The following PCM1 variants were observed in gnomAD, a reference collection of about 807,000 sequenced individuals.
PCM1 encodes pericentriolar material 1 protein.
PCM1 carries 157 observed loss-of-function variants against 241.9 expected under a neutral mutation model. The ratio of observed to expected loss-of-function variants is 0.65; its 90% confidence interval spans 0.57 to 0.74. The LOEUF is 0.74. Among genes scored for constraint, PCM1 ranks in the 30% least tolerant of loss-of-function variants. The probability of loss-of-function intolerance (pLI) is 0.00; values close to 1 mark genes in which losing one functional copy is unlikely to be tolerated. For synonymous variants in PCM1, 1,085 were observed against 784.9 expected (o/e 1.38, Z -6.39); for missense variants, 3,478 against 2,360.1 (o/e 1.47, Z -9.81).
At chr8:17,988,222 C>G (rs1258840172) in intron 26 of PCM1, among the ~76,000 whole-genome samples, 1 of 151,804 alleles carries the variant, frequency 6.6e-6, no homozygotes, top group Non-Finnish European at 1.5e-5. Context: ...AATGGTTTCC[C>G]TATTCCTAAA....
At chr8:17,934,211 C>G (rs184288543) in intron 2 of PCM1, among the ~76,000 whole-genome samples, 3 of 151,296 alleles carry the variant, frequency 2.0e-5, no homozygotes, top group African/African-American at 4.8e-5. Flanking sequence ...GAGTTAGGGT[C>G]TTAGAATTAA....
chr8:18,000,856 G>C (rs370382993), intron 29 of PCM1, among the ~76,000 whole-genome samples: 1 of 152,110 alleles, frequency 6.6e-6, no homozygotes, highest in African/African-American at 2.4e-5. Context: ...TGATGCACCC[G>C]CCTGGGCCTC....
At chr8:17,990,465 GT>G (rs1263265168) in intron 27 of PCM1, among the ~76,000 whole-genome samples, 7 of 142,332 alleles carry the variant, frequency 4.9e-5, no homozygotes, top group African/African-American at 1.3e-4. Context: ...GGTTTTGGTT[GT>G]TTTTTTTTGT....
intron 2 of PCM1, among the ~76,000 whole-genome samples, chr8:17,931,316 A>T (rs2058959032): frequency 6.6e-6 from 1 of 150,578 alleles, no homozygotes; most frequent in South Asian, 2.1e-4. Context: ...TTTGAGATGG[A>T]GTCTTGCTCT....
intron 29 of PCM1, among the ~76,000 whole-genome samples, chr8:17,996,826 C>T (rs2086962722): frequency 6.6e-6 from 1 of 152,080 alleles, no homozygotes; most frequent in Non-Finnish European, 1.5e-5. Flanking sequence ...TGTTTCCCTG[C>T]TTTTTAACTC....
In PCM1 at chr8:17,969,684, A is replaced by G. The variant is rs143680240; in HGVS notation, c.3520A>G (p.Thr1174Ala). 360 of 1,613,278 alleles carry G rather than the reference A, an allele frequency of 2.2e-4. 14 individuals are homozygous for G. In the East Asian group the frequency reaches 2.4e-3, roughly 11 times the overall value. Residue 1174 changes from threonine (T) to alanine (A), a missense_variant, in exon 22 of 39, where the codon ACA becomes GCA. By Grantham distance (58) the Thr-to-Ala change is moderately conservative. Transcript: ENST00000325083. ...CTTAGCCCAGAATTCTTCAGGAAAA[A>G]CAGAATATATGGCTTTTCCAAAACC... ...QPLAQNSSGKTEYMAFPKPFE... is the reference protein window; with the variant it reads ...QPLAQNSSGKAEYMAFPKPFE...
intron 35 of PCM1, 54 bp from the exon 36 acceptor site, chr8:18,014,530 A>G: frequency 1.4e-6 from 2 of 1,444,728 alleles, no homozygotes; most frequent in East Asian, 2.3e-5. Flanking sequence ...GTATAATAGT[A>G]AAATTTAACA....
At chr8:17,989,346 A>G (rs1260934717) in intron 26 of PCM1, among the ~76,000 whole-genome samples, 2 of 151,974 alleles carry the variant, frequency 1.3e-5, no homozygotes, top group Non-Finnish European at 2.9e-5. Context: ...TCTTTAGGGA[A>G]TCTGGTTACA....
intron 23 of PCM1, among the ~76,000 whole-genome samples, chr8:17,979,910 A>G (rs562527065): frequency 3.9e-5 from 6 of 152,208 alleles, no homozygotes; most frequent in Non-Finnish European, 8.8e-5. Context: ...TTGTGTTTCT[A>G]AATGAATAAA....
chr8:17,974,790 G>A (rs1169055474), intron 23 of PCM1, among the ~76,000 whole-genome samples: 1 of 151,550 alleles, frequency 6.6e-6, no homozygotes, highest in East Asian at 1.9e-4. Context: ...CCTGCTGTTT[G>A]AAATGTACAG....
At chr8:17,931,378 TC>T in intron 2 of PCM1, among the ~76,000 whole-genome samples, 1 of 151,672 alleles carries the variant, frequency 6.6e-6, no homozygotes, top group East Asian at 1.9e-4. Flanking sequence ...AACCTCTGCC[TC>T]CCGGGTTCAA....
At chr8:17,968,050 G>T (rs208052) in intron 21 of PCM1, among the ~76,000 whole-genome samples, 1 of 149,030 alleles carries the variant, frequency 6.7e-6, no homozygotes, top group African/African-American at 2.5e-5. Context: ...AATCAGTTCC[G>T]CCGCCAAAAA....
intron 24 of PCM1, among the ~76,000 whole-genome samples, chr8:17,981,047 T>C (rs535517570): frequency 1.3e-5 from 2 of 152,224 alleles, no homozygotes; most frequent in South Asian, 2.1e-4. Flanking sequence ...GAATTAGATA[T>C]GAAATCATGT....
chr8:17,991,534 A>G lies in PCM1; in HGVS notation c.4532-8A>G. The G allele has an allele frequency of 1.3e-6, 2 of 1,575,932 alleles. No homozygotes were observed. Among genetic ancestry groups the G allele is most frequent in the Non-Finnish European group, 1.7e-6 (2 of 1,159,406 alleles). ...CATACTCAAAAAATATTTTTGTTCC[A>G]AATGTAGGTAACACCGTGATTCACT... On this transcript the variant is annotated splice_region_variant and splice_polypyrimidine_tract_variant and intron_variant, in intron 27 of 38. Coordinates refer to ENST00000325083, the MANE Select transcript of PCM1 (RefSeq NM_006197.4).
intron 33 of PCM1, 89 bp downstream of exon 33, chr8:18,011,455 A>C (rs1459077749): frequency 4.1e-6 from 5 of 1,231,340 alleles, no homozygotes; most frequent in Non-Finnish European, 5.5e-6. Flanking sequence ...ACAAGTATAA[A>C]ATTAAGTGTC....
chr8:17,950,467 G>C, intron 7 of PCM1, 148 bp from the exon 8 acceptor site: 3 of 580,262 alleles, frequency 5.2e-6, no homozygotes, highest in Non-Finnish European at 9.0e-6. Flanking sequence ...TAAAATGATT[G>C]TTGGCAGATA....
chr8:18,014,777 A>C lies in PCM1; in HGVS notation c.5778A>C (p.Glu1926Asp). 6.2e-7 allele frequency: 1 copy of C among 1,609,710 alleles called. No homozygotes were observed. Among genetic ancestry groups the C allele is most frequent in the African/African-American group, 1.3e-5 (1 of 75,048 alleles). ...PRVKEVKSAQ[E>D]TPESSLAGSP... is the part of the protein sequence containing the mutation. ...TCAAAGAAGTTAAATCTGCTCAGGAAACTCCTGAAAGCTCTCTGGCTGGAA... is the reference window on the plus strand; with the variant it reads ...TCAAAGAAGTTAAATCTGCTCAGGACACTCCTGAAAGCTCTCTGGCTGGAA... Residue 1926 changes from glutamate to aspartate, a missense_variant, in exon 36 of 39, where the codon GAA becomes GAC. Physicochemically the swap from Glu to Asp is conservative, Grantham distance 45 (BLOSUM62 2). Transcript: ENST00000325083.
intron 11 of PCM1, 74 bp downstream of exon 11, chr8:17,956,851 A>G: frequency 8.5e-7 from 1 of 1,179,908 alleles, no homozygotes; most frequent in South Asian, 1.4e-5. Context: ...GAACAAAAAT[A>G]CTTCGTTGTA....
intron 36 of PCM1, among the ~76,000 whole-genome samples, chr8:18,020,814 G>C (rs983450884): frequency 2.6e-5 from 4 of 152,136 alleles, no homozygotes; most frequent in African/African-American, 7.2e-5. Flanking sequence ...GTATGCCTTT[G>C]GAGTGAGTGA....
Sources: gnomAD v4.1 joint callset for allele counts (sites outside exome capture counted in the v4.1 genomes callset) on GRCh38, gnomAD v4.1.1 for gene constraint, MANE v1.5 for transcripts, NCBI Gene and HGNC (gene_info 2026-07-23, HGNC 2026-07-21) for gene names.